PTPRD: variants seen among roughly 807,000 people sequenced by gnomAD.
PTPRD encodes protein tyrosine phosphatase receptor type D.
PTPRD carries 34 observed loss-of-function variants against 214.5 expected under a neutral mutation model. The ratio of observed to expected loss-of-function variants is 0.16; its 90% CI spans 0.12 to 0.21. The LOEUF (loss-of-function observed/expected upper bound fraction) is 0.21. Among genes scored for constraint, PTPRD ranks in the 10% least tolerant of loss-of-function variants. The pLI is 1.00. For missense variants in PTPRD, 2,545 were observed against 2,398.7 expected, an observed-to-expected ratio of 1.06 and a Z score of -1.27; for synonymous variants, 1,128 against 845.7, an observed-to-expected ratio of 1.33 and a Z score of -5.79.
At chr9:9,827,444 G>A (rs538205306) in intron 5 of PTPRD, among the ~76,000 whole-genome samples, 205 of 152,230 alleles carry the variant, frequency 1.3e-3, no homozygotes, top group African/African-American at 4.8e-3. Flanking sequence ...TGGGAAAACT[G>A]GCTAGCCATA....
chr9:9,060,198 G>T (rs1050141327), intron 10 of PTPRD, among the ~76,000 whole-genome samples: 1 of 152,120 alleles, frequency 6.6e-6, no homozygotes, highest in South Asian at 2.1e-4. Context: ...ATTGGTTTAC[G>T]CATAGGAAAA....
chr9:10,503,196 AAAAAAAAAAAAC>A (rs1456729515), intron 2 of PTPRD, among the ~76,000 whole-genome samples: 3 of 129,708 alleles, frequency 2.3e-5, no homozygotes, highest in Non-Finnish European at 4.8e-5. Context: ...TGCAATACAA[AAAAAAAAAAAAC>A]AAAAAAAAAC....
At chr9:9,525,671 ATACTT>A (rs2073959637) in intron 8 of PTPRD, among the ~76,000 whole-genome samples, 1 of 152,254 alleles carries the variant, frequency 6.6e-6, no homozygotes, top group African/African-American at 2.4e-5. Flanking sequence ...CTAAAAAGAA[ATACTT>A]TATATTTCTA....
chr9:8,961,866 T>C lies in PTPRD; in HGVS notation c.-104+56831A>G, dbSNP rs573155799. 1.1e-3 allele frequency among the ~76,000 whole-genome samples: 165 copies of C among 152,116 alleles called. 1 individual carries two copies. Among genetic ancestry groups the C allele is most frequent in the African/African-American group, 3.7e-3 (154 of 41,516 alleles). On this transcript the variant is annotated intron_variant, in intron 11 of 45. Coordinates refer to ENST00000381196, the MANE Select transcript of PTPRD (RefSeq NM_002839.4). ...ATGTGACAGTTTAGAAAACATTCAC[T>C]CACCATGACAGCATGAAAACCCCAC...
At chr9:10,310,503 G>T (rs936011423) in intron 3 of PTPRD, among the ~76,000 whole-genome samples, 71 of 152,034 alleles carry the variant, frequency 4.7e-4, no homozygotes, top group Admixed American at 1.3e-3. Flanking sequence ...GAAGGTTTAG[G>T]AAAGAGGTTG....
intron 8 of PTPRD, among the ~76,000 whole-genome samples, chr9:9,425,729 A>G (rs1357847286): frequency 6.6e-6 from 1 of 152,048 alleles, no homozygotes; most frequent in Non-Finnish European, 1.5e-5. Context: ...GCTTCTTGAG[A>G]TATTTCTGCA....
intron 2 of PTPRD, among the ~76,000 whole-genome samples, chr9:10,468,382 C>T (rs2099008344): frequency 6.6e-6 from 1 of 152,106 alleles, no homozygotes; most frequent in African/African-American, 2.4e-5. Flanking sequence ...CCATCATTCT[C>T]AGCAAACTGA....
chr9:9,264,865 A>G (rs532163244), intron 9 of PTPRD, among the ~76,000 whole-genome samples: 5 of 150,698 alleles, frequency 3.3e-5, no homozygotes, highest in Admixed American at 1.3e-4. Flanking sequence ...GCAGGCCAGG[A>G]GAAAGTGGAA....
intron 9 of PTPRD, among the ~76,000 whole-genome samples, chr9:9,362,488 G>T (rs1185864670): frequency 6.6e-6 from 1 of 151,122 alleles, no homozygotes. Context: ...ATGAGAGCAA[G>T]AATGGGGTCC....
At chr9:10,115,325 A>T (rs192470151) in intron 3 of PTPRD, among the ~76,000 whole-genome samples, 2 of 152,222 alleles carry the variant, frequency 1.3e-5, no homozygotes, top group East Asian at 3.9e-4. Context: ...AATTATAGAG[A>T]GTCATAATAT....
At chr9:9,628,622 TA>T (rs1428817479) in intron 7 of PTPRD, among the ~76,000 whole-genome samples, 1 of 152,096 alleles carries the variant, frequency 6.6e-6, no homozygotes, top group Non-Finnish European at 1.5e-5. Context: ...AGAAAGTAAC[TA>T]AAAAATACTA....
At chr9:8,625,080 T>C (rs1036082945) in intron 14 of PTPRD, among the ~76,000 whole-genome samples, 19 of 151,760 alleles carry the variant, frequency 1.3e-4, no homozygotes, top group African/African-American at 4.6e-4. Context: ...AAAACTGTAA[T>C]GGAGCTTATA....
chr9:9,991,463 G>A (rs1173660890), intron 4 of PTPRD, among the ~76,000 whole-genome samples: 2 of 151,858 alleles, frequency 1.3e-5, no homozygotes, highest in Non-Finnish European at 2.9e-5. Flanking sequence ...CCAGGTTCAA[G>A]CAATTCTCCT....
intron 10 of PTPRD, among the ~76,000 whole-genome samples, chr9:9,055,480 C>T (rs1032858722): frequency 6.6e-6 from 1 of 152,014 alleles, no homozygotes; most frequent in Non-Finnish European, 1.5e-5. Flanking sequence ...CGTGAAAATA[C>T]CAAGAATAAT....
chr9:10,147,678 A>C (rs1347666372), intron 3 of PTPRD, among the ~76,000 whole-genome samples: 2 of 151,966 alleles, frequency 1.3e-5, no homozygotes, highest in Non-Finnish European at 2.9e-5. Context: ...TCAGGAGTTC[A>C]AGACCAGCCT....
chr9:10,105,650 ATT>A (rs778620973), intron 3 of PTPRD, among the ~76,000 whole-genome samples: 10 of 151,976 alleles, frequency 6.6e-5, no homozygotes, highest in Non-Finnish European at 1.0e-4. Context: ...CCAGTTTACT[ATT>A]TTCTAAAAAT....
chr9:8,567,496 C>CGTCT (rs2089712981), intron 14 of PTPRD, among the ~76,000 whole-genome samples: 1 of 152,154 alleles, frequency 6.6e-6, no homozygotes, highest in South Asian at 2.1e-4. Flanking sequence ...TGGGAAAGCA[C>CGTCT]GTCTTCTCAC....
intron 11 of PTPRD, among the ~76,000 whole-genome samples, chr9:8,756,920 C>G (rs1385030610): frequency 6.6e-6 from 1 of 152,004 alleles, no homozygotes; most frequent in African/African-American, 2.4e-5. Flanking sequence ...GTGGGCAGAT[C>G]ACTTGAGGTT....
intron 8 of PTPRD, among the ~76,000 whole-genome samples, chr9:9,500,204 A>G (rs182599431): frequency 2.7e-4 from 41 of 152,174 alleles, no homozygotes; most frequent in Admixed American, 2.6e-4. Flanking sequence ...TCAACCATCT[A>G]AAGTTAAAGT....
Sources: gnomAD v4.1 joint callset for allele counts (sites outside exome capture counted in the v4.1 genomes callset) on GRCh38, gnomAD v4.1.1 for gene constraint, MANE v1.5 for transcripts, NCBI Gene and HGNC (gene_info 2026-07-23, HGNC 2026-07-21) for gene names.